The following TUFT1 variants were observed in gnomAD, a reference collection of about 807,000 sequenced individuals.
TUFT1 encodes tuftelin.
TUFT1 carries 43 observed loss-of-function variants against 57.8 expected under a neutral mutation model. The ratio of observed to expected loss-of-function variants is 0.74; its 90% CI spans 0.58 to 0.96. TUFT1 has a LOEUF of 0.96. Ranked by LOEUF, TUFT1 falls within the 40% of genes least tolerant of loss-of-function variation. TUFT1 has a pLI of 0.00. For synonymous variants in TUFT1, 166 were observed against 176.7 expected (o/e 0.94, Z 0.48); for missense variants, 459 against 489.0 (o/e 0.94, Z 0.58).
At chr1:151,540,474 T>C in intron 1 of TUFT1, 48 bp downstream of exon 1, 1 of 1,609,616 alleles carries the variant, frequency 6.2e-7, no homozygotes, top group East Asian at 2.2e-5. Context: ...ATTCCCGGTT[T>C]CTAAGTCCGC....
At chr1:151,540,676 TG>T (rs1327742555) in intron 1 of TUFT1, 1 of 498,284 alleles carries the variant, frequency 2.0e-6, no homozygotes, top group African/African-American at 2.0e-5. Context: ...GGCTCCTGCC[TG>T]GGACTCGGCG....
In TUFT1 at chr1:151,566,071, CTCTT is replaced by C. The variant is rs1342733645; in HGVS notation, c.415-88_415-85del. ...CCTTCCTCTCCCTCTCCCTGTCCTT[CTCTT>C]TCTAAGATTTGAGTGTTAGGAGAAT... On this transcript the variant is annotated intron_variant, in intron 5 of 12. Coordinates refer to ENST00000368849, the MANE Select transcript of TUFT1 (RefSeq NM_020127.3). The C allele has an allele frequency of 2.4e-5, 11 of 467,912 alleles. No homozygotes were observed. In the African/African-American group the frequency reaches 2.5e-4, roughly 10 times the overall value. 29.0% of individuals were successfully genotyped at this position (467,912 alleles called of 1,614,324 possible). A position where few individuals can be genotyped will look rare whatever the true frequency, so the allele number is the denominator to read the frequency against.
In TUFT1 at chr1:151,561,379, A is replaced by G. The variant is rs992430480; in HGVS notation, c.61-712A>G. Among the ~76,000 whole-genome samples the G allele has an allele frequency of 4.0e-5, 6 of 151,130 alleles. No individual in the cohort carries two copies. The South Asian group carries it at 1.3e-3, about 32-fold the overall frequency. On this transcript the variant is annotated intron_variant, in intron 1 of 12. Coordinates refer to ENST00000368849, the MANE Select transcript of TUFT1 (RefSeq NM_020127.3). ...AAAAATACAAAAATTAGATGGGCAT[A>G]TTGGTGCGCCTGTAGTCCCAGCTAC...
At chr1:151,561,419 TG>T in intron 1 of TUFT1, 1 of 333,486 alleles carries the variant, frequency 3.0e-6, no homozygotes, top group South Asian at 1.3e-4. Context: ...GAGGCTGAGG[TG>T]GGTGGATCAC....
At chr1:151,544,576 C>T (rs917638788) in intron 1 of TUFT1, among the ~76,000 whole-genome samples, 3 of 151,950 alleles carry the variant, frequency 2.0e-5, no homozygotes, top group Non-Finnish European at 2.9e-5. Context: ...GGATTACAGG[C>T]GTGAGCCACC....
chr1:151,559,140 C>T (rs1254696738), intron 1 of TUFT1, among the ~76,000 whole-genome samples: 3 of 152,188 alleles, frequency 2.0e-5, no homozygotes, highest in Non-Finnish European at 2.9e-5. Flanking sequence ...AATTTGGCAG[C>T]CATTCTGGCT....
intron 9 of TUFT1, among the ~76,000 whole-genome samples, chr1:151,578,272 C>T (rs1340846391): frequency 6.6e-6 from 1 of 152,142 alleles, no homozygotes; most frequent in East Asian, 1.9e-4. Flanking sequence ...TCAGTTTCCT[C>T]TCTTAGACTA....
chr1:151,579,569 C>T (rs1349240964), intron 10 of TUFT1, 80 bp from the exon 11 acceptor site: 1 of 1,459,966 alleles, frequency 6.8e-7, no homozygotes, highest in Non-Finnish European at 9.5e-7. Context: ...TGCTGCCTTC[C>T]CCAGCAGCTG....
In TUFT1 at chr1:151,574,298, C is replaced by T. The variant is rs914771769; in HGVS notation, c.623C>T (p.Ala208Val). The T allele has an allele frequency of 1.2e-6, 2 of 1,613,940 alleles. No homozygotes were observed. The highest frequency in any genetic ancestry group is 2.7e-5 in the African/African-American group (2 of 74,894). The change falls in exon 8 of 13, where the codon GCA (alanine) becomes GTA (valine). Residue 208 changes from alanine (A) to valine (V), a missense_variant. Physicochemically the swap from Ala to Val is moderately conservative, Grantham distance 64. Coordinates refer to ENST00000368849, the MANE Select transcript of TUFT1 (RefSeq NM_020127.3). ...EVTLSRYQRE[A>V]EQSNVALQRE... The stretch of plus-strand genomic sequence containing the variant: ...ACACTCAGCCGGTACCAGAGGGAAG[C>T]AGAACAAAGTAATGTGGCCCTTCAG...
Position 151,579,668 on chromosome 1 carries a change from T to A in TUFT1, c.944T>A (p.Val315Glu), listed in dbSNP as rs757336286. The A allele has an allele frequency of 6.2e-7, 1 of 1,614,020 alleles. No individual in the cohort carries two copies. The highest frequency in any genetic ancestry group is 8.5e-7 in the Non-Finnish European group (1 of 1,179,988). ...MIEQLQNSKA[V>E]IQSKDATIQE... ...TTGCAGCTCCAGAATTCAAAAGCTG[T>A]GATCCAGTCAAAGGACGCCACCATC... Residue 315 changes from valine (V) to glutamate (E), a missense_variant, in exon 11 of 13, where the codon GTG (valine) becomes GAG (glutamate). Coordinates refer to ENST00000368849, the MANE Select transcript of TUFT1 (RefSeq NM_020127.3).
chr1:151,582,213 G>A lies in TUFT1; in HGVS notation c.*506G>A, dbSNP rs538329147. The A allele has an allele frequency of 6.6e-5, 30 of 456,236 alleles. No homozygotes were observed. The highest frequency in any genetic ancestry group is 9.3e-5 in the Non-Finnish European group (21 of 226,932). 28.3% of individuals were successfully genotyped at this position (456,236 alleles called of 1,614,324 possible). ...TCTACTTGCTCCATCTGCAGCCTAC[G>A]CTGCCCTGGCCTCCTGCAGACAGAT... is the stretch of plus-strand genomic sequence containing the variant. On this transcript the variant is annotated 3_prime_UTR_variant, in exon 13 of 13. Transcript: ENST00000368849.
At chr1:151,580,003 C>T (rs6587604) in intron 11 of TUFT1, among the ~76,000 whole-genome samples, 2,943 of 152,294 alleles carry the variant, frequency 0.019, 94 homozygotes, top group African/African-American at 0.067. Flanking sequence ...TGGCTGCACA[C>T]GGCTAATTCT....
At position 151,582,660 on chromosome 1, in the gene TUFT1, T is replaced by C. The variant is rs910026898; in HGVS notation, c.*953T>C. ...AAACTGTTCCCATTAGGCTTGTTAA[T>C]GTCAGAGTGACACTATTATGAATCT... On this transcript the variant is annotated 3_prime_UTR_variant, in exon 13 of 13. Transcript: ENST00000368849. 1 of 158,170 alleles carries C rather than the reference T, an allele frequency of 6.3e-6. No individual in the cohort carries two copies. Among genetic ancestry groups the C allele is most frequent in the African/African-American group, 2.4e-5 (1 of 41,520 alleles). 9.8% of individuals were successfully genotyped at this position (158,170 alleles called of 1,614,324 possible). A position where few individuals can be genotyped will look rare whatever the true frequency, so the allele number is the denominator to read the frequency against.
At chr1:151,580,111 G>C (rs535855187) in intron 11 of TUFT1, among the ~76,000 whole-genome samples, 1 of 152,266 alleles carries the variant, frequency 6.6e-6, no homozygotes, top group East Asian at 1.9e-4. Flanking sequence ...GCTAGATTAC[G>C]TAACGAGTTG....
intron 1 of TUFT1, among the ~76,000 whole-genome samples, chr1:151,560,956 TTGTGTGTGTGTGTGTGTG>T (rs68056033): frequency 1.1e-4 from 15 of 132,540 alleles, no homozygotes; most frequent in South Asian, 2.5e-4. Context: ...CTGCAAAGTA[TTGTGTGTGTGTGTGTGTG>T]TGTGTGTGTG....
At chr1:151,543,806 C>CG (rs1201006534) in intron 1 of TUFT1, among the ~76,000 whole-genome samples, 2 of 152,086 alleles carry the variant, frequency 1.3e-5, no homozygotes, top group Non-Finnish European at 2.9e-5. Context: ...TAGGCCCCCC[C>CG]CAGATTACAG....
chr1:151,558,000 A>G (rs549290426), intron 1 of TUFT1: 3 of 459,846 alleles, frequency 6.5e-6, no homozygotes, highest in Admixed American at 5.8e-5. Context: ...AAAAAAAAAA[A>G]AAGAAAACCT....
rs530079181 is a variant in TUFT1 at position 151,576,003 on chromosome 1, G to A, written c.818+998G>A. On this transcript the variant is annotated intron_variant, in intron 9 of 12. Transcript: ENST00000368849. ...TTCCTCGGTGGGTAGGTGCGCATGG[G>A]CAGAGCAAGAGAGACCAAAAGGACT... Among the ~76,000 whole-genome samples, 9 of 152,244 alleles carry A rather than the reference G, an allele frequency of 5.9e-5. No individual in the cohort carries two copies. In the East Asian group the frequency reaches 1.3e-3, roughly 23 times the overall value.
chr1:151,556,965 A>G (rs991524526), intron 1 of TUFT1, among the ~76,000 whole-genome samples: 5 of 152,246 alleles, frequency 3.3e-5, no homozygotes, highest in Middle Eastern at 3.4e-3. Flanking sequence ...CAGAAACAGA[A>G]TTAGTCTCAA....
Sources: allele counts gnomAD v4.1 joint callset (sites outside exome capture counted in the v4.1 genomes callset), GRCh38; gene constraint gnomAD v4.1.1; transcripts MANE v1.5; gene names NCBI Gene and HGNC (gene_info 2026-07-23, HGNC 2026-07-21).